TMEM131L: variants seen among roughly 807,000 people sequenced by gnomAD.
TMEM131L encodes transmembrane 131 like.
A neutral mutation model predicts 192.2 loss-of-function variants in TMEM131L; 54 were observed. That is an observed-to-expected ratio of 0.28 (90% confidence interval 0.23 to 0.35). TMEM131L has a LOEUF of 0.35. TMEM131L is among the 10% of genes least tolerant of loss of function. The pLI, the probability that TMEM131L is intolerant of heterozygous loss-of-function variation, is 1.00. For synonymous variants in TMEM131L, 701 were observed against 704.9 expected (o/e 0.99, Z 0.09); for missense variants, 1,888 against 1,972.9 (o/e 0.96, Z 0.82).
chr4:153,490,892 T>C (rs1242593817), intron 3 of TMEM131L, among the ~76,000 whole-genome samples: 10 of 145,724 alleles, frequency 6.9e-5, no homozygotes, highest in Admixed American at 3.6e-4. Context: ...AGGTGGAGGT[T>C]GCAGTGAGCC....
At chr4:153,621,933 C>A in intron 28 of TMEM131L, 84 bp downstream of exon 28, 1 of 1,318,562 alleles carries the variant, frequency 7.6e-7, no homozygotes, top group Non-Finnish European at 1.1e-6. Flanking sequence ...AGAAATGACA[C>A]CTCAGTGATT....
intron 3 of TMEM131L, among the ~76,000 whole-genome samples, chr4:153,506,869 GA>G (rs1159210996): frequency 6.8e-6 from 1 of 147,372 alleles, no homozygotes; most frequent in Non-Finnish European, 1.5e-5. Context: ...AAAGAAGAAA[GA>G]AAAAAAGAGT....
chr4:153,622,014 T>A (rs1283354934), intron 28 of TMEM131L, among the ~76,000 whole-genome samples, 165 bp downstream of exon 28: 1 of 152,126 alleles, frequency 6.6e-6, no homozygotes, highest in Non-Finnish European at 1.5e-5. Flanking sequence ...ACCAGAAAAC[T>A]AAGATTTGGT....
chr4:153,521,126 G>A (rs1459517655), intron 3 of TMEM131L, among the ~76,000 whole-genome samples: 2 of 152,170 alleles, frequency 1.3e-5, no homozygotes, highest in East Asian at 3.8e-4. Context: ...GTGATCTGGG[G>A]CCTTGTTTCT....
intron 31 of TMEM131L, among the ~76,000 whole-genome samples, chr4:153,628,829 T>C (rs546494070): frequency 3.3e-5 from 5 of 152,320 alleles, no homozygotes; most frequent in African/African-American, 9.6e-5. Context: ...GTTGGAGATA[T>C]ACGTGCGGTT....
intron 3 of TMEM131L, among the ~76,000 whole-genome samples, chr4:153,486,188 C>T (rs893166218): frequency 1.3e-5 from 2 of 152,172 alleles, no homozygotes; most frequent in African/African-American, 4.8e-5. Flanking sequence ...AAGATAGACC[C>T]AGGGTTGGTC....
chr4:153,540,860 C>T (rs536482522), intron 3 of TMEM131L, among the ~76,000 whole-genome samples: 1 of 152,314 alleles, frequency 6.6e-6, no homozygotes, highest in South Asian at 2.1e-4. Context: ...AAAAGTCCTT[C>T]ATCCCTAGAC....
At chr4:153,581,827 G>T (rs1730360325) in intron 9 of TMEM131L, among the ~76,000 whole-genome samples, 1 of 152,294 alleles carries the variant, frequency 6.6e-6, no homozygotes, top group East Asian at 1.9e-4. Context: ...AATTAAATGG[G>T]CATGACAGTT....
At chr4:153,573,271 G>A (rs1053855678) in intron 7 of TMEM131L, among the ~76,000 whole-genome samples, 47 of 152,200 alleles carry the variant, frequency 3.1e-4, no homozygotes, top group African/African-American at 1.1e-3. Flanking sequence ...TCGCCACAGC[G>A]ATGCCTGCTT....
chr4:153,629,651 C>T (rs891952403), intron 31 of TMEM131L, among the ~76,000 whole-genome samples: 18 of 152,202 alleles, frequency 1.2e-4, no homozygotes, highest in African/African-American at 4.1e-4. Context: ...CTTTTGCCAC[C>T]ATTGCTCTTT....
chr4:153,593,659 A>G (rs1013751910), intron 18 of TMEM131L, 140 bp from the exon 19 acceptor site: 9 of 617,868 alleles, frequency 1.5e-5, no homozygotes, highest in African/African-American at 1.4e-4. Context: ...TCGGGTGGAC[A>G]GGATGGGATG....
intron 31 of TMEM131L, among the ~76,000 whole-genome samples, chr4:153,628,456 T>C (rs2126851277): frequency 6.6e-6 from 1 of 152,348 alleles, no homozygotes. Flanking sequence ...ATTCTCTGTG[T>C]CTTTAATACA....
intron 26 of TMEM131L, among the ~76,000 whole-genome samples, chr4:153,616,872 TCTC>T (rs1294963861): frequency 6.6e-6 from 1 of 152,202 alleles, no homozygotes; most frequent in Non-Finnish European, 1.5e-5. Context: ...TTTAAACCAT[TCTC>T]CTGCAGTTGG....
At chr4:153,543,944 A>G (rs1204470664) in intron 3 of TMEM131L, among the ~76,000 whole-genome samples, 1 of 151,526 alleles carries the variant, frequency 6.6e-6, no homozygotes, top group African/African-American at 2.5e-5. Context: ...TCTTGATACA[A>G]TAACATTATT....
At chr4:153,505,853 C>A (rs1054592223) in intron 3 of TMEM131L, among the ~76,000 whole-genome samples, 1 of 152,072 alleles carries the variant, frequency 6.6e-6, no homozygotes, top group Admixed American at 6.6e-5. Flanking sequence ...CTGGAGACAT[C>A]AAGTTGGAAT....
chr4:153,615,370 T>C (rs1257800988), intron 26 of TMEM131L, among the ~76,000 whole-genome samples: 1 of 152,152 alleles, frequency 6.6e-6, no homozygotes, highest in Non-Finnish European at 1.5e-5. Flanking sequence ...AACTAGAGCT[T>C]CGGCAACAAG....
At chr4:153,488,129 G>A (rs1169184916) in intron 3 of TMEM131L, among the ~76,000 whole-genome samples, 2 of 149,750 alleles carry the variant, frequency 1.3e-5, no homozygotes, top group Non-Finnish European at 3.0e-5. Context: ...GAGAGAGACC[G>A]AGACCGTTGT....
At chr4:153,561,546 T>C (rs942288347) in intron 7 of TMEM131L, among the ~76,000 whole-genome samples, 1 of 152,244 alleles carries the variant, frequency 6.6e-6, no homozygotes, top group African/African-American at 2.4e-5. Flanking sequence ...GCATATGGTG[T>C]GAGGAAGGGA....
At chr4:153,570,535 A>T (rs892228492) in intron 7 of TMEM131L, among the ~76,000 whole-genome samples, 2 of 152,136 alleles carry the variant, frequency 1.3e-5, no homozygotes, top group African/African-American at 2.4e-5. Context: ...CTTCCCTCAG[A>T]GTTTATAAAT....
Sources: gnomAD v4.1 joint callset for allele counts (sites outside exome capture counted in the v4.1 genomes callset) on GRCh38, gnomAD v4.1.1 for gene constraint, MANE v1.5 for transcripts, NCBI Gene and HGNC (gene_info 2026-07-23, HGNC 2026-07-21) for gene names.